Variants in SCFD2 observed in about 807,000 individuals in gnomAD.
SCFD2 encodes the protein sec1 family domain-containing protein 2.
A neutral mutation model predicts 58.9 loss-of-function variants in SCFD2; 54 were observed. The ratio of observed to expected loss-of-function variants is 0.92; its 90% CI spans 0.74 to 1.15. SCFD2 has a LOEUF of 1.15. Ranked by LOEUF, SCFD2 falls within the 50% of genes most tolerant of loss-of-function variation. SCFD2 has a pLI of 0.00. For synonymous variants in SCFD2, 321 were observed against 335.9 expected (o/e 0.96, Z 0.49); for missense variants, 805 against 836.6 (o/e 0.96, Z 0.47).
intron 5 of SCFD2, among the ~76,000 whole-genome samples, chr4:52,944,165 C>A (rs1720361632): frequency 6.6e-6 from 1 of 152,068 alleles, no homozygotes; most frequent in Admixed American, 6.6e-5. Flanking sequence ...TATCATATGA[C>A]CTCTCAATAT....
chr4:52,998,254 A>G (rs1033046099), intron 5 of SCFD2, among the ~76,000 whole-genome samples: 7 of 152,238 alleles, frequency 4.6e-5, no homozygotes, highest in African/African-American at 1.7e-4. Flanking sequence ...AAGTCCTACT[A>G]TGTGCCAGGC....
chr4:53,212,278 G>A (rs914225367), intron 4 of SCFD2, among the ~76,000 whole-genome samples: 6 of 151,848 alleles, frequency 4.0e-5, no homozygotes, highest in Admixed American at 3.9e-4. Context: ...TAAAGGACCA[G>A]GACTTCCAAA....
chr4:53,049,595 C>T (rs1026982041), intron 5 of SCFD2, among the ~76,000 whole-genome samples: 4 of 152,174 alleles, frequency 2.6e-5, no homozygotes, highest in Admixed American at 1.3e-4. Flanking sequence ...CATTAGCTAT[C>T]GTCTCCTCCT....
At chr4:53,127,245 C>T (rs1725654164) in intron 5 of SCFD2, among the ~76,000 whole-genome samples, 1 of 152,160 alleles carries the variant, frequency 6.6e-6, no homozygotes. Context: ...GTTCCAATTC[C>T]TTCTTCAACC....
chr4:53,302,999 T>G (rs1003437619), intron 3 of SCFD2, among the ~76,000 whole-genome samples: 1 of 152,100 alleles, frequency 6.6e-6, no homozygotes, highest in African/African-American at 2.4e-5. Flanking sequence ...ATAAAAACCC[T>G]AGAAGAAAAC....
chr4:52,934,301 A>C (rs541093522), intron 5 of SCFD2, among the ~76,000 whole-genome samples: 2 of 152,176 alleles, frequency 1.3e-5, no homozygotes, highest in Non-Finnish European at 2.9e-5. Context: ...TTGCCCCCCA[A>C]GTTGCCACAA....
At chr4:53,102,010 AC>A (rs1037763724) in intron 5 of SCFD2, among the ~76,000 whole-genome samples, 4 of 152,216 alleles carry the variant, frequency 2.6e-5, no homozygotes, top group African/African-American at 9.6e-5. Context: ...ATTAAAACCT[AC>A]CACAAAATCT....
intron 4 of SCFD2, among the ~76,000 whole-genome samples, chr4:53,247,877 A>T (rs527733065): frequency 4.0e-5 from 6 of 150,996 alleles, no homozygotes; most frequent in African/African-American, 1.5e-4. Context: ...CAAAAAAAAA[A>T]AAAAAAAAAA....
At chr4:53,153,246 T>G (rs1414559668) in intron 4 of SCFD2, among the ~76,000 whole-genome samples, 1 of 152,192 alleles carries the variant, frequency 6.6e-6, no homozygotes, top group Non-Finnish European at 1.5e-5. Flanking sequence ...CTTCAACAGG[T>G]TTCTGCCTGG....
At chr4:53,253,216 A>G (rs937431995) in intron 4 of SCFD2, among the ~76,000 whole-genome samples, 2 of 152,224 alleles carry the variant, frequency 1.3e-5, no homozygotes, top group Non-Finnish European at 2.9e-5. Flanking sequence ...TTAGAATGGC[A>G]ATCATCAAAA....
At chr4:53,243,086 A>G (rs1251015411) in intron 4 of SCFD2, among the ~76,000 whole-genome samples, 1 of 152,200 alleles carries the variant, frequency 6.6e-6, no homozygotes, top group Non-Finnish European at 1.5e-5. Context: ...AACTTCCCCA[A>G]CCTTGCTAGA....
At chr4:53,297,519 C>G (rs1200018315) in intron 3 of SCFD2, among the ~76,000 whole-genome samples, 1 of 151,966 alleles carries the variant, frequency 6.6e-6, no homozygotes, top group African/African-American at 2.4e-5. Context: ...AAATATTCCT[C>G]TATCCCCTTA....
chr4:53,173,728 T>C (rs1211440599), intron 4 of SCFD2, among the ~76,000 whole-genome samples: 4 of 152,158 alleles, frequency 2.6e-5, no homozygotes, highest in African/African-American at 9.6e-5. Flanking sequence ...TGAATTCTAT[T>C]TCAGTTTTGT....
chr4:52,892,499 T>C (rs1451512163), intron 7 of SCFD2, among the ~76,000 whole-genome samples: 1 of 152,198 alleles, frequency 6.6e-6, no homozygotes, highest in African/African-American at 2.4e-5. Context: ...TATCTCTGTC[T>C]TCCTATTCTT....
chr4:52,980,858 G>T (rs1344087167), intron 5 of SCFD2, among the ~76,000 whole-genome samples: 1 of 152,120 alleles, frequency 6.6e-6, no homozygotes, highest in Non-Finnish European at 1.5e-5. Context: ...TTTCTGACAT[G>T]ATATTTTTGC....
At chr4:52,930,994 G>A (rs994283200) in intron 5 of SCFD2, among the ~76,000 whole-genome samples, 1 of 152,154 alleles carries the variant, frequency 6.6e-6, no homozygotes, top group African/African-American at 2.4e-5. Flanking sequence ...TAAACCTACT[G>A]TAAGTGGGGG....
chr4:53,298,527 C>A (rs539043988), intron 3 of SCFD2, among the ~76,000 whole-genome samples: 16 of 152,316 alleles, frequency 1.1e-4, no homozygotes, highest in African/African-American at 3.6e-4. Flanking sequence ...GGGCAGGGCT[C>A]AGACAAACAA....
At chr4:53,263,408 C>CT (rs1225425757) in intron 4 of SCFD2, among the ~76,000 whole-genome samples, 1 of 152,128 alleles carries the variant, frequency 6.6e-6, no homozygotes, top group Non-Finnish European at 1.5e-5. Flanking sequence ...GGACTCGGGG[C>CT]TGCTGTTCAG....
chr4:53,033,351 C>G (rs980616078), intron 5 of SCFD2, among the ~76,000 whole-genome samples: 2 of 151,386 alleles, frequency 1.3e-5, no homozygotes, highest in African/African-American at 4.9e-5. Context: ...CACCAAATGC[C>G]CACAAGAGAA....
Sources: allele counts gnomAD v4.1 joint callset (sites outside exome capture counted in the v4.1 genomes callset), GRCh38; gene constraint gnomAD v4.1.1; transcripts MANE v1.5; gene names NCBI Gene and HGNC (gene_info 2026-07-23, HGNC 2026-07-21).